The following STX8 variants were observed in gnomAD, a reference collection of about 807,000 sequenced individuals.
STX8 encodes the protein syntaxin-8.
STX8 carries 23 observed loss-of-function variants against 37.5 expected under a neutral mutation model. The observed-to-expected ratio is 0.61, with a 90% CI of 0.44 to 0.87. The LOEUF (loss-of-function observed/expected upper bound fraction) is 0.87. STX8 is among the 40% of genes least tolerant of loss of function. STX8 has a pLI of 0.00. For missense variants in STX8, 313 were observed against 284.7 expected (o/e 1.10, Z -0.71); for synonymous variants, 115 against 99.1 (o/e 1.16, Z -0.95).
chr17:9,445,527 G>GGGAGGGGGTTGGGGGGGTGGA, intron 6 of STX8, among the ~76,000 whole-genome samples: 1 of 137,574 alleles, frequency 7.3e-6, no homozygotes, highest in Non-Finnish European at 1.6e-5. Context: ...TGGGGGGTGG[G>GGGAGGGGGTTGGGGGGGTGGA]GGTGAGGGCT....
chr17:9,504,434 T>C lies in STX8; in HGVS notation c.448+604A>G, dbSNP rs555436742. On this transcript the variant is annotated intron_variant, in intron 5 of 7. Coordinates refer to ENST00000306357, the MANE Select transcript of STX8 (RefSeq NM_004853.3). Reference sequence around the variant, plus strand: ...TAAAAAATAAAATGGAGTCTTGTGTTTGGAGACTAATTCCCAGTCGTGAAG... The same window carrying C: ...TAAAAAATAAAATGGAGTCTTGTGTCTGGAGACTAATTCCCAGTCGTGAAG... 5.3e-5 allele frequency among the ~76,000 whole-genome samples: 8 copies of C among 152,200 alleles called. 1 individual carries two copies. Among genetic ancestry groups the C allele is most frequent in the African/African-American group, 1.9e-4 (8 of 41,522 alleles).
At chr17:9,543,354 C>T (rs1048374661) in intron 4 of STX8, among the ~76,000 whole-genome samples, 6 of 150,556 alleles carry the variant, frequency 4.0e-5, no homozygotes, top group Non-Finnish European at 8.8e-5. Flanking sequence ...AGTGCAGTGG[C>T]GTGATCTCGG....
intron 4 of STX8, among the ~76,000 whole-genome samples, chr17:9,506,415 C>CCCCCCG (rs1904834806): frequency 3.1e-5 from 3 of 96,320 alleles, no homozygotes; most frequent in African/African-American, 1.1e-4. Flanking sequence ...GCTCCCCCCC[C>CCCCCCG]CCCCCACCCA....
chr17:9,284,277 T>A (rs1349166210), intron 7 of STX8, among the ~76,000 whole-genome samples: 1 of 152,232 alleles, frequency 6.6e-6, no homozygotes, highest in Non-Finnish European at 1.5e-5. Flanking sequence ...AGTTTTCCTT[T>A]TTTAAAAAAT....
chr17:9,326,029 C>G (rs547332024), intron 7 of STX8, among the ~76,000 whole-genome samples: 2 of 152,016 alleles, frequency 1.3e-5, no homozygotes, highest in Non-Finnish European at 2.9e-5. Flanking sequence ...GGTTGGGGGT[C>G]GGGAGGCATC....
intron 4 of STX8, among the ~76,000 whole-genome samples, chr17:9,529,299 G>C (rs1209969576): frequency 6.6e-6 from 1 of 152,124 alleles, no homozygotes; most frequent in Non-Finnish European, 1.5e-5. Flanking sequence ...ACGCATGTGT[G>C]TGTATCTGTA....
At chr17:9,344,903 C>G (rs1445485829) in intron 7 of STX8, among the ~76,000 whole-genome samples, 1 of 152,228 alleles carries the variant, frequency 6.6e-6, no homozygotes, top group East Asian at 1.9e-4. Context: ...TTGGTCATAA[C>G]TTGGCAGCCA....
chr17:9,555,895 C>CAAA (rs1002394213), intron 3 of STX8, among the ~76,000 whole-genome samples: 10 of 92,112 alleles, frequency 1.1e-4, no homozygotes, highest in South Asian at 3.4e-4. Context: ...GACTCCGTCT[C>CAAA]AAAAAAAAAA....
intron 6 of STX8, among the ~76,000 whole-genome samples, chr17:9,416,141 G>C (rs12603229): frequency 0.32 from 48,730 of 152,090 alleles, 9,268 homozygotes; most frequent in East Asian, 0.61. Context: ...TCTCAGCCCT[G>C]GTTGCACATT....
At chr17:9,411,894 C>T (rs1019570829) in intron 6 of STX8, among the ~76,000 whole-genome samples, 10 of 152,028 alleles carry the variant, frequency 6.6e-5, no homozygotes, top group South Asian at 2.1e-4. Flanking sequence ...TAAAAATATT[C>T]GAGAGGGTTG....
intron 7 of STX8, among the ~76,000 whole-genome samples, chr17:9,318,553 A>C (rs1030763157): frequency 6.6e-6 from 1 of 152,152 alleles, no homozygotes; most frequent in African/African-American, 2.4e-5. Context: ...AAGGCCCTAA[A>C]AGCTTCCAGA....
chr17:9,273,565 A>C lies in STX8; in HGVS notation c.644-22920T>G, dbSNP rs1162980831. On this transcript the variant is annotated intron_variant, in intron 7 of 7. Coordinates refer to ENST00000306357, the MANE Select transcript of STX8 (RefSeq NM_004853.3). ...CAGGGGTGTCCCTGCAGAATGATTC[A>C]GCTCCTGCCGGGGGTGGGAAGTAGA... The C allele has an allele frequency of 5.9e-5, 9 of 152,420 alleles. 1 individual carries two copies. Among genetic ancestry groups the C allele is most frequent in the African/African-American group, 2.2e-4 (9 of 41,574 alleles). 9.4% of individuals were successfully genotyped at this position (152,420 alleles called of 1,614,324 possible).
At chr17:9,344,792 C>T (rs536473549) in intron 7 of STX8, among the ~76,000 whole-genome samples, 12 of 152,266 alleles carry the variant, frequency 7.9e-5, no homozygotes, top group African/African-American at 1.2e-4. Context: ...TCAAACTAAG[C>T]GACTCTAAAA....
At chr17:9,462,643 A>G (rs1597688292) in intron 6 of STX8, among the ~76,000 whole-genome samples, 1 of 152,108 alleles carries the variant, frequency 6.6e-6, no homozygotes, top group East Asian at 1.9e-4. Context: ...GAATTGCTTG[A>G]ACCTGGAAGG....
At chr17:9,559,558 C>G (rs1367431877) in intron 2 of STX8, among the ~76,000 whole-genome samples, 1 of 150,794 alleles carries the variant, frequency 6.6e-6, no homozygotes, top group Non-Finnish European at 1.5e-5. Flanking sequence ...GAATAGAACA[C>G]TACTGCCTTA....
intron 7 of STX8, among the ~76,000 whole-genome samples, chr17:9,252,848 G>A (rs1460610741): frequency 1.3e-5 from 2 of 152,140 alleles, no homozygotes; most frequent in African/African-American, 4.8e-5. Flanking sequence ...AAATCTAGCT[G>A]TGCTCTGTTT....
chr17:9,407,943 T>C, intron 6 of STX8, among the ~76,000 whole-genome samples: 1 of 152,160 alleles, frequency 6.6e-6, no homozygotes, highest in East Asian at 1.9e-4. Flanking sequence ...GCTATGTTAA[T>C]GGAGATTTTT....
intron 7 of STX8, among the ~76,000 whole-genome samples, chr17:9,329,868 C>T (rs1909905918): frequency 6.6e-6 from 1 of 152,056 alleles, no homozygotes; most frequent in Non-Finnish European, 1.5e-5. Context: ...AGGTTGGATC[C>T]TGTAAGGGCA....
chr17:9,543,104 A>G (rs1906347912), intron 4 of STX8, among the ~76,000 whole-genome samples: 1 of 152,150 alleles, frequency 6.6e-6, no homozygotes, highest in Non-Finnish European at 1.5e-5. Context: ...GGGAACCATG[A>G]CTATTCATCA....
Sources: gnomAD v4.1 joint callset for allele counts (sites outside exome capture counted in the v4.1 genomes callset) on GRCh38, gnomAD v4.1.1 for gene constraint, MANE v1.5 for transcripts, NCBI Gene and HGNC (gene_info 2026-07-23, HGNC 2026-07-21) for gene names.